The following ELF5 variants were observed in gnomAD, a reference collection of about 807,000 sequenced individuals.
ELF5 encodes E74 like ETS transcription factor 5.
A neutral mutation model predicts 38.2 loss-of-function variants in ELF5; 31 were observed. The observed-to-expected ratio is 0.81, with a 90% confidence interval of 0.61 to 1.10. The LOEUF is 1.10. Among genes scored for constraint, ELF5 ranks in the 50% least tolerant of loss-of-function variants. The pLI is 0.00. For missense variants in ELF5, 300 were observed against 306.6 expected, an observed-to-expected ratio of 0.98 and a Z score of 0.16; for synonymous variants, 121 against 112.5, an observed-to-expected ratio of 1.08 and a Z score of -0.48.
chr11:34,483,738 TACTAC>T (rs201987655), intron 4 of ELF5, among the ~76,000 whole-genome samples: 2,302 of 152,116 alleles, frequency 0.015, 21 homozygotes, highest in Admixed American at 0.022. Flanking sequence ...TACTATACTA[TACTAC>T]ACCAACTACA....
At position 34,480,209 on chromosome 11, in the gene ELF5, T is replaced by C; in HGVS notation, c.*9A>G. Reference sequence around the variant, plus strand: ...AAATCCATAAAATGAGCTTGATGCCTGGAGCAGATCATAGCTTGTCTTCCT... The same window carrying C: ...AAATCCATAAAATGAGCTTGATGCCCGGAGCAGATCATAGCTTGTCTTCCT... On this transcript the variant is annotated 3_prime_UTR_variant, in exon 7 of 7. Transcript: ENST00000257832. The C allele has an allele frequency of 1.2e-6, 2 of 1,611,568 alleles. No individual in the cohort carries two copies. The highest frequency in any genetic ancestry group is 1.7e-6 in the Non-Finnish European group (2 of 1,177,758).
At chr11:34,511,445 C>T (rs1247756456) in intron 1 of ELF5, 1 of 1,513,936 alleles carries the variant, frequency 6.6e-7, no homozygotes, top group East Asian at 2.3e-5. Flanking sequence ...AGTCATCATT[C>T]TAGCTGCCTA....
Position 34,505,760 on chromosome 11 carries a change from C to T in ELF5, c.-4-7G>A, listed in dbSNP as rs1307617418. 4 of 1,612,772 alleles carry T rather than the reference C, an allele frequency of 2.5e-6. No homozygotes were observed. Among genetic ancestry groups the T allele is most frequent in the Non-Finnish European group, 3.4e-6 (4 of 1,179,342 alleles). On this transcript the variant is annotated splice_region_variant and splice_polypyrimidine_tract_variant and intron_variant, in intron 1 of 6. Transcript: ENST00000257832. ...CACCGAGTCCAACATTACCCTGCAA[C>T]AGCAGGAGAGGTCGTGAGGAGGCTG...
chr11:34,493,843 G>A (rs1028656765), intron 2 of ELF5, 131 bp from the exon 3 acceptor site: 11 of 725,976 alleles, frequency 1.5e-5, no homozygotes, highest in Non-Finnish European at 2.3e-5. Flanking sequence ...CCAGCCCTGG[G>A]TGTTCTGCAG....
chr11:34,485,810 G>T (rs904513495), intron 4 of ELF5, among the ~76,000 whole-genome samples: 12 of 152,118 alleles, frequency 7.9e-5, no homozygotes, highest in East Asian at 1.9e-4. Flanking sequence ...ACTGAGGCAG[G>T]TTCCCAAATC....
At chr11:34,480,423 GTTAC>G in intron 6 of ELF5, 109 bp from the exon 7 acceptor site, 2 of 862,150 alleles carry the variant, frequency 2.3e-6, no homozygotes, top group South Asian at 3.0e-5. Flanking sequence ...CTGGTCTTTG[GTTAC>G]CCTGGTATTT....
intron 3 of ELF5, chr11:34,492,865 C>T (rs11608027): frequency 0.1 from 16,376 of 157,998 alleles, 955 homozygotes; most frequent in East Asian, 0.25. Flanking sequence ...GAGGAAGTCA[C>T]TTAATGTCTC....
At chr11:34,496,072 T>A (rs909754411) in intron 2 of ELF5, among the ~76,000 whole-genome samples, 9 of 152,164 alleles carry the variant, frequency 5.9e-5, no homozygotes, top group African/African-American at 2.2e-4. Context: ...CTCCCCTCTC[T>A]GCTTCCACCC....
intron 1 of ELF5, among the ~76,000 whole-genome samples, chr11:34,506,515 T>C (rs192858852): frequency 1.3e-5 from 2 of 152,144 alleles, no homozygotes; most frequent in Admixed American, 1.3e-4. Context: ...AAAAATAAAA[T>C]AAAATTGTTT....
At chr11:34,489,015 C>A (rs773660746) in intron 4 of ELF5, among the ~76,000 whole-genome samples, 1 of 152,160 alleles carries the variant, frequency 6.6e-6, no homozygotes, top group African/African-American at 2.4e-5. Flanking sequence ...AGATGCTACA[C>A]CCCGGGGCCC....
At position 34,480,214 on chromosome 11, in the gene ELF5, C is replaced by A; in HGVS notation, c.*4G>T. The A allele has an allele frequency of 6.2e-7, 1 of 1,612,424 alleles. No individual in the cohort carries two copies. Among genetic ancestry groups the A allele is most frequent in the Non-Finnish European group, 8.5e-7 (1 of 1,178,578 alleles). ...CATAAAATGAGCTTGATGCCTGGAGCAGATCATAGCTTGTCTTCCTGCCAC... is the reference window on the plus strand; with the variant it reads ...CATAAAATGAGCTTGATGCCTGGAGAAGATCATAGCTTGTCTTCCTGCCAC... On this transcript the variant is annotated 3_prime_UTR_variant, in exon 7 of 7. Transcript: ENST00000257832.
At chr11:34,500,265 C>T (rs966365251) in intron 2 of ELF5, among the ~76,000 whole-genome samples, 3 of 152,062 alleles carry the variant, frequency 2.0e-5, no homozygotes, top group African/African-American at 7.2e-5. Context: ...GTGTTTTGCC[C>T]GGGGCAGCAC....
At chr11:34,488,684 A>G (rs1438683451) in intron 4 of ELF5, among the ~76,000 whole-genome samples, 3 of 152,208 alleles carry the variant, frequency 2.0e-5, no homozygotes, top group Non-Finnish European at 4.4e-5. Flanking sequence ...TTTCCATTGT[A>G]TTAGCTTCCT....
rs1850761689 is a variant in ELF5, at chr11:34,511,672, A to G, written c.-5+2005T>C. On this transcript the variant is annotated intron_variant, in intron 1 of 6. Transcript: ENST00000257832. ...AGAGGGTCCACCGAGTTGGAGGGAC[A>G]GGCCTGTGGGCTTCTCAGTGTCACA... 5 of 1,450,338 alleles carry G rather than the reference A, an allele frequency of 3.4e-6. No homozygotes were observed. In the South Asian group the frequency reaches 3.5e-5, roughly 10 times the overall value. The allele number at this position is 1,450,338 out of a possible 1,614,324, so 89.8% of individuals were successfully genotyped here.
chr11:34,507,025 T>C (rs994849648), intron 1 of ELF5, among the ~76,000 whole-genome samples: 3 of 152,226 alleles, frequency 2.0e-5, no homozygotes, highest in African/African-American at 7.2e-5. Flanking sequence ...ACATACAACA[T>C]ATATATGTTA....
intron 1 of ELF5, among the ~76,000 whole-genome samples, chr11:34,506,886 G>C (rs1027652939): frequency 1.3e-5 from 2 of 152,190 alleles, no homozygotes; most frequent in Non-Finnish European, 2.9e-5. Context: ...AAATCTGAAA[G>C]CTCTGAAAAC....
chr11:34,496,427 A>G (rs929952563), intron 2 of ELF5, among the ~76,000 whole-genome samples: 1 of 152,214 alleles, frequency 6.6e-6, no homozygotes, highest in African/African-American at 2.4e-5. Flanking sequence ...GGAGAGTGGC[A>G]GAGCGGAGGC....
chr11:34,480,864 A>G lies in ELF5; in HGVS notation c.579T>C (p.Phe193=). 1 of 1,614,114 alleles carries G rather than the reference A, an allele frequency of 6.2e-7. No individual in the cohort carries two copies. The highest frequency in any genetic ancestry group is 8.5e-7 in the Non-Finnish European group (1 of 1,180,018). The change falls in exon 6 of 7, where the codon TTT becomes TTC. Residue 193 remains phenylalanine, a synonymous_variant. Coordinates refer to ENST00000257832, the MANE Select transcript of ELF5 (RefSeq NM_001422.4). ...LEWEDREQGI[F]RVVKSEALAK... ...CCAGGGCTTCCGATTTAACCACCCG[A>G]AAAATTCCTTGTTCCCTATCTTCCC...
chr11:34,494,104 C>A (rs527689486), intron 2 of ELF5, among the ~76,000 whole-genome samples: 1 of 152,210 alleles, frequency 6.6e-6, no homozygotes, highest in Admixed American at 6.5e-5. Flanking sequence ...TACCACTTTC[C>A]GCTTGGCAAG....
Sources: allele counts gnomAD v4.1 joint callset (sites outside exome capture counted in the v4.1 genomes callset), GRCh38; gene constraint gnomAD v4.1.1; transcripts MANE v1.5; gene names NCBI Gene and HGNC (gene_info 2026-07-23, HGNC 2026-07-21).